Variants in NRXN1 observed in about 807,000 individuals in gnomAD.
The protein encoded by NRXN1 is neurexin-1.
Under a neutral mutation model 150.9 loss-of-function variants are expected in NRXN1, and 39 were observed. The ratio of observed to expected loss-of-function variants is 0.26; its 90% CI spans 0.20 to 0.34. The LOEUF (loss-of-function observed/expected upper bound fraction) is 0.34. Ranked by LOEUF, NRXN1 falls within the 10% of genes least tolerant of loss-of-function variation. The pLI is 1.00. For synonymous variants in NRXN1, 924 were observed against 757.0 expected, an observed-to-expected ratio of 1.22 and a Z score of -3.62; for missense variants, 1,815 against 1,949.9, an observed-to-expected ratio of 0.93 and a Z score of 1.30.
chr2:50,559,889 A>G (rs1333051827), intron 8 of NRXN1, among the ~76,000 whole-genome samples: 3 of 152,158 alleles, frequency 2.0e-5, no homozygotes, highest in African/African-American at 7.2e-5. Context: ...GGTCCTACTC[A>G]TTTTGTATCA....
intron 18 of NRXN1, among the ~76,000 whole-genome samples, chr2:50,221,132 A>G (rs2063852393): frequency 6.6e-6 from 1 of 151,892 alleles, no homozygotes. Context: ...CAGTTATTTT[A>G]CTTTAGAATC....
chr2:49,998,731 C>A (rs1409501671), intron 21 of NRXN1, among the ~76,000 whole-genome samples: 1 of 152,084 alleles, frequency 6.6e-6, no homozygotes, highest in Non-Finnish European at 1.5e-5. Context: ...TACGTCGCTG[C>A]GATACACAGA....
At chr2:50,849,335 A>G (rs1192566040) in intron 5 of NRXN1, among the ~76,000 whole-genome samples, 7 of 152,150 alleles carry the variant, frequency 4.6e-5, no homozygotes, top group African/African-American at 1.7e-4. Flanking sequence ...TAACACGTAA[A>G]TCTTCTGCTA....
At chr2:50,021,986 G>C (rs1687642672) in intron 21 of NRXN1, among the ~76,000 whole-genome samples, 1 of 152,218 alleles carries the variant, frequency 6.6e-6, no homozygotes. Flanking sequence ...GAGTAGCTGG[G>C]ACTACAGGTG....
At chr2:50,439,546 C>T (rs1299110723) in intron 17 of NRXN1, among the ~76,000 whole-genome samples, 1 of 152,076 alleles carries the variant, frequency 6.6e-6, no homozygotes, top group African/African-American at 2.4e-5. Context: ...GTGGCTCACG[C>T]CTGTAATCCC....
intron 2 of NRXN1, among the ~76,000 whole-genome samples, chr2:50,984,134 ATTTTTTTTTTTTT>A (rs70958636): frequency 4.1e-5 from 3 of 72,794 alleles, no homozygotes; most frequent in Non-Finnish European, 7.3e-5. Context: ...CGCCAGGCTA[ATTTTTTTTTTTTT>A]TTTTTTTTTT....
intron 22 of NRXN1, among the ~76,000 whole-genome samples, chr2:49,936,090 C>T (rs1337669858): frequency 3.3e-5 from 5 of 152,188 alleles, no homozygotes; most frequent in Non-Finnish European, 7.3e-5. Flanking sequence ...TTATGCTGTA[C>T]TCACTACTGA....
intron 5 of NRXN1, among the ~76,000 whole-genome samples, chr2:50,695,185 A>AGG (rs1553983290): frequency 9.2e-6 from 1 of 108,172 alleles, no homozygotes; most frequent in African/African-American, 4.0e-5. Context: ...AACCTGGGTA[A>AGG]GGGGGTGGCG....
chr2:50,397,311 C>G (rs1193935428), intron 17 of NRXN1, among the ~76,000 whole-genome samples: 3 of 152,066 alleles, frequency 2.0e-5, no homozygotes, highest in African/African-American at 4.8e-5. Flanking sequence ...AGATGGAAGA[C>G]ACCTAATGCT....
At chr2:50,303,065 C>G (rs988139861) in intron 17 of NRXN1, among the ~76,000 whole-genome samples, 1 of 152,088 alleles carries the variant, frequency 6.6e-6, no homozygotes, top group African/African-American at 2.4e-5. Flanking sequence ...CCTAGAACAC[C>G]ACGCTTGAGT....
At chr2:50,571,081 G>A (rs1670596859) in intron 8 of NRXN1, among the ~76,000 whole-genome samples, 1 of 152,110 alleles carries the variant, frequency 6.6e-6, no homozygotes. Context: ...CTACACTGGA[G>A]GAAAAAATCA....
chr2:50,988,763 G>A (rs1698098796), intron 2 of NRXN1, among the ~76,000 whole-genome samples: 1 of 151,936 alleles, frequency 6.6e-6, no homozygotes, highest in Non-Finnish European at 1.5e-5. Context: ...CTGTACCTAA[G>A]CTTCAAATGG....
chr2:50,591,381 C>CAGATAGATT (rs1674181673), intron 8 of NRXN1, among the ~76,000 whole-genome samples: 2 of 134,722 alleles, frequency 1.5e-5, no homozygotes, highest in Admixed American at 1.5e-4. Flanking sequence ...CACTATATAT[C>CAGATAGATT]AGATAGATAG....
chr2:50,362,918 G>C (rs2079324549), intron 17 of NRXN1, among the ~76,000 whole-genome samples: 1 of 152,002 alleles, frequency 6.6e-6, no homozygotes, highest in South Asian at 2.1e-4. Flanking sequence ...ATAGAATAGA[G>C]GCCTCAGAAA....
chr2:50,798,764 C>A lies in NRXN1; in HGVS notation c.832+123105G>T, dbSNP rs1445344651. 3.3e-5 allele frequency among the ~76,000 whole-genome samples: 5 copies of A among 152,154 alleles called. No individual in the cohort carries two copies. In the South Asian group the frequency reaches 1.0e-3, roughly 31 times the overall value. On this transcript the variant is annotated intron_variant, in intron 5 of 22. Coordinates refer to ENST00000401669, the MANE Select transcript of NRXN1 (RefSeq NM_001330078.2). The stretch of plus-strand genomic sequence containing the variant: ...AAAATTACAGCAGTCTGTATCAATT[C>A]TCTTTTGAGCAATAGTTTACAAAGC...
intron 12 of NRXN1, among the ~76,000 whole-genome samples, chr2:50,514,900 A>G (rs905065599): frequency 6.6e-6 from 1 of 152,224 alleles, no homozygotes; most frequent in Non-Finnish European, 1.5e-5. Flanking sequence ...AACCTTAAAA[A>G]TACTAATTCT....
intron 21 of NRXN1, among the ~76,000 whole-genome samples, chr2:50,030,080 T>A (rs1688967768): frequency 6.6e-6 from 1 of 152,098 alleles, no homozygotes; most frequent in Non-Finnish European, 1.5e-5. Context: ...GACTGTAGAA[T>A]TTTGGAGGAG....
At position 50,846,213 on chromosome 2, in the gene NRXN1, T is replaced by C. The variant is rs554462316; in HGVS notation, c.832+75656A>G. Among the ~76,000 whole-genome samples the C allele has an allele frequency of 2.6e-5, 4 of 152,274 alleles. No homozygotes were observed. The East Asian group carries it at 5.8e-4, about 22-fold the overall frequency. On this transcript the variant is annotated intron_variant, in intron 5 of 22. Coordinates refer to ENST00000401669, the MANE Select transcript of NRXN1 (RefSeq NM_001330078.2). ...CAACCACCAGGTTGTTCATTTTGTT[T>C]TGTGTTTTAGAGCATCAGTAAAACA...
At chr2:50,449,093 A>G (rs2086726893) in intron 17 of NRXN1, among the ~76,000 whole-genome samples, 1 of 152,168 alleles carries the variant, frequency 6.6e-6, no homozygotes. Context: ...GTGAATTCAG[A>G]CCTTTTATGG....
Sources: gnomAD v4.1 joint callset for allele counts (sites outside exome capture counted in the v4.1 genomes callset) on GRCh38, gnomAD v4.1.1 for gene constraint, MANE v1.5 for transcripts, NCBI Gene and HGNC (gene_info 2026-07-23, HGNC 2026-07-21) for gene names.